PRKD1: variants seen among roughly 807,000 people sequenced by gnomAD.
PRKD1 encodes the protein serine/threonine-protein kinase D1.
Under a neutral mutation model 95.9 loss-of-function variants are expected in PRKD1, and 63 were observed. The observed-to-expected ratio is 0.66, with a 90% CI of 0.54 to 0.81. PRKD1 has a LOEUF of 0.81. PRKD1 is among the 30% of genes least tolerant of loss of function. The pLI is 0.00. For synonymous variants in PRKD1, 425 were observed against 423.1 expected, an observed-to-expected ratio of 1.00 and a Z score of -0.05; for missense variants, 1,048 against 1,165.3, an observed-to-expected ratio of 0.90 and a Z score of 1.47.
Position 29,624,170 on chromosome 14 carries a change from A to T in PRKD1, c.1887T>A (p.Asn629Lys). Residue 629 changes from asparagine (N) to lysine (K), a missense_variant, in exon 13 of 18, where the codon AAT (asparagine) becomes AAA (lysine). Asn to Lys is a moderately conservative substitution (Grantham distance 94). Coordinates refer to ENST00000331968, the MANE Select transcript of PRKD1 (RefSeq NM_002742.3). ...GAAGTACCTGTAGAATTGCAACCTCATTACGAAGCTGGCTTTCTTGTTTTG... is the reference window on the plus strand; with the variant it reads ...GAAGTACCTGTAGAATTGCAACCTCTTTACGAAGCTGGCTTTCTTGTTTTG... ...FPTKQESQLRNEVAILQNLHH... is the reference protein window; with the variant it reads ...FPTKQESQLRKEVAILQNLHH... 6.2e-7 allele frequency: 1 copy of T among 1,605,390 alleles called. No individual in the cohort carries two copies. The highest frequency in any genetic ancestry group is 1.1e-5 in the South Asian group (1 of 89,848).
chr14:29,810,625 T>C (rs186395672), intron 1 of PRKD1, among the ~76,000 whole-genome samples: 40 of 152,366 alleles, frequency 2.6e-4, no homozygotes, highest in Non-Finnish European at 2.9e-5. Flanking sequence ...TGTATACACA[T>C]GTAAAGCAGT....
At chr14:29,784,125 C>A (rs1889166336) in intron 1 of PRKD1, among the ~76,000 whole-genome samples, 1 of 152,046 alleles carries the variant, frequency 6.6e-6, no homozygotes, top group Non-Finnish European at 1.5e-5. Flanking sequence ...AGTCTTTAGT[C>A]CACTTTGAAT....
At chr14:29,843,951 T>C (rs925609130) in intron 1 of PRKD1, among the ~76,000 whole-genome samples, 1 of 152,142 alleles carries the variant, frequency 6.6e-6, no homozygotes, top group Non-Finnish European at 1.5e-5. Context: ...GGATCCAGTA[T>C]TGTAGTAAAA....
intron 2 of PRKD1, among the ~76,000 whole-genome samples, chr14:29,713,551 C>T (rs1008815516): frequency 5.3e-5 from 8 of 152,234 alleles, no homozygotes; most frequent in African/African-American, 1.9e-4. Flanking sequence ...CATCCATTGT[C>T]AGTTACTGAC....
At chr14:29,871,264 G>A (rs1330931333) in intron 1 of PRKD1, among the ~76,000 whole-genome samples, 3 of 152,192 alleles carry the variant, frequency 2.0e-5, no homozygotes, top group Non-Finnish European at 4.4e-5. Flanking sequence ...AATGAGAATA[G>A]ATAACATTTC....
intron 1 of PRKD1, among the ~76,000 whole-genome samples, chr14:29,781,137 C>A (rs1363067435): frequency 1.4e-5 from 1 of 71,602 alleles, no homozygotes; most frequent in Admixed American, 2.2e-4. Flanking sequence ...TGGGGCCTGT[C>A]GTGGGGTGGG....
chr14:29,889,481 G>A (rs2139410074), intron 1 of PRKD1, among the ~76,000 whole-genome samples: 1 of 152,286 alleles, frequency 6.6e-6, no homozygotes, highest in Non-Finnish European at 1.5e-5. Flanking sequence ...GCCAAGGGAA[G>A]CCATGAGTGA....
intron 1 of PRKD1, among the ~76,000 whole-genome samples, chr14:29,898,338 C>T (rs1262756349): frequency 6.6e-6 from 1 of 151,994 alleles, no homozygotes; most frequent in African/African-American, 2.4e-5. Context: ...TTAAAATTTT[C>T]AGTACATTTT....
chr14:29,644,740 C>T (rs777893389), intron 4 of PRKD1, among the ~76,000 whole-genome samples: 1 of 151,906 alleles, frequency 6.6e-6, no homozygotes, highest in Non-Finnish European at 1.5e-5. Context: ...TTTCATAGCA[C>T]TTTACATGGA....
At chr14:29,751,368 T>C (rs934500732) in intron 1 of PRKD1, among the ~76,000 whole-genome samples, 4 of 152,182 alleles carry the variant, frequency 2.6e-5, no homozygotes, top group African/African-American at 9.6e-5. Context: ...TTCTGGGGAA[T>C]CTTTTTCCTT....
intron 1 of PRKD1, among the ~76,000 whole-genome samples, chr14:29,893,514 T>C (rs548238393): frequency 6.6e-6 from 1 of 152,162 alleles, no homozygotes; most frequent in Non-Finnish European, 1.5e-5. Flanking sequence ...ACGTATGGAA[T>C]CTTGCTCTTA....
chr14:29,739,300 C>T (rs1886880963), intron 1 of PRKD1, among the ~76,000 whole-genome samples: 1 of 152,184 alleles, frequency 6.6e-6, no homozygotes, highest in Non-Finnish European at 1.5e-5. Context: ...CTTTAATTTA[C>T]TCCACTCTGT....
intron 2 of PRKD1, among the ~76,000 whole-genome samples, chr14:29,710,709 T>A (rs1885298119): frequency 6.6e-6 from 1 of 152,140 alleles, no homozygotes; most frequent in Admixed American, 6.6e-5. Flanking sequence ...TTTCTTAGTT[T>A]TGACAAATGT....
At chr14:29,656,557 A>G (rs897243132) in intron 4 of PRKD1, 6 of 1,486,208 alleles carry the variant, frequency 4.0e-6, no homozygotes, top group African/African-American at 2.8e-5. Flanking sequence ...CAAAGGAGAA[A>G]AAGACAGGAA....
chr14:29,806,291 T>C (rs963768526), intron 1 of PRKD1, among the ~76,000 whole-genome samples: 4 of 152,202 alleles, frequency 2.6e-5, no homozygotes, highest in Non-Finnish European at 5.9e-5. Context: ...ACTAGCAACT[T>C]TGTGAAAGTG....
At chr14:29,738,795 CTCTT>C (rs1886851441) in intron 1 of PRKD1, among the ~76,000 whole-genome samples, 2 of 150,794 alleles carry the variant, frequency 1.3e-5, no homozygotes, top group East Asian at 2.0e-4. Context: ...CTTTCTCTCT[CTCTT>C]TCTTTCTCTC....
chr14:29,666,341 C>G (rs1255076715), intron 2 of PRKD1, 133 bp from the exon 3 acceptor site: 1 of 916,082 alleles, frequency 1.1e-6, no homozygotes, highest in Admixed American at 3.0e-5. Context: ...AGATGCAACA[C>G]AGCTTGCACT....
intron 3 of PRKD1, 70 bp from the exon 4 acceptor site, chr14:29,663,929 A>G: frequency 6.8e-7 from 1 of 1,460,782 alleles, no homozygotes. Context: ...ATTAGTGTAA[A>G]GTAGAAATTT....
chr14:29,729,156 TATGATCTACTTCA>T (rs1886315241), intron 1 of PRKD1, among the ~76,000 whole-genome samples: 1 of 152,154 alleles, frequency 6.6e-6, no homozygotes, highest in African/African-American at 2.4e-5. Flanking sequence ...CATTTGAGTC[TATGATCTACTTCA>T]AGGTAAGTTT....
Sources: allele counts gnomAD v4.1 joint callset (sites outside exome capture counted in the v4.1 genomes callset), GRCh38; gene constraint gnomAD v4.1.1; transcripts MANE v1.5; gene names NCBI Gene and HGNC (gene_info 2026-07-23, HGNC 2026-07-21).